CATSPERT: variants seen among roughly 807,000 people sequenced by gnomAD.
CATSPERT encodes the protein catsper channel auxiliary subunit tau.
the CATSPERT span, among the ~76,000 whole-genome samples, chr2:201,544,050 T>C: frequency 6.6e-6 from 1 of 152,270 alleles, no homozygotes; most frequent in Admixed American, 6.5e-5. Context: ...GATGTTCCCC[T>C]TCCTGTGTCC....
chr2:201,515,414 T>C, the CATSPERT span, among the ~76,000 whole-genome samples: 1 of 151,590 alleles, frequency 6.6e-6, no homozygotes, highest in Non-Finnish European at 1.5e-5. Context: ...TTTGTATTTT[T>C]AGTAGAGACA....
At chr2:201,598,148 C>T in the CATSPERT span, among the ~76,000 whole-genome samples, 1 of 152,278 alleles carries the variant, frequency 6.6e-6, no homozygotes, top group Admixed American at 6.5e-5. Flanking sequence ...GTCACTCAAG[C>T]TGGAGTGCAG....
the CATSPERT span, among the ~76,000 whole-genome samples, chr2:201,580,638 G>A: frequency 6.6e-6 from 1 of 152,128 alleles, no homozygotes; most frequent in Non-Finnish European, 1.5e-5. Context: ...AGGAGTCCCT[G>A]CAATCTGGCT....
At chr2:201,591,909 T>A in the CATSPERT span, among the ~76,000 whole-genome samples, 1 of 151,976 alleles carries the variant, frequency 6.6e-6, no homozygotes, top group African/African-American at 2.4e-5. Flanking sequence ...GTTTTCTAGA[T>A]ATACAATCAT....
chr2:201,608,897 TA>T, the CATSPERT span, among the ~76,000 whole-genome samples: 57 of 140,842 alleles, frequency 4.0e-4, no homozygotes, highest in Non-Finnish European at 5.0e-4. Context: ...AAAAGTTGAT[TA>T]AAAAAAAAAA....
chr2:201,496,057 T>C, the CATSPERT span: 3 of 858,676 alleles, frequency 3.5e-6, no homozygotes, highest in Middle Eastern at 3.7e-4. Context: ...ATTAGAGATA[T>C]AAAATTTTTA....
the CATSPERT span, chr2:201,494,202 A>C: frequency 3.3e-6 from 5 of 1,534,746 alleles, no homozygotes; most frequent in African/African-American, 2.7e-5. Context: ...ATTTATCATG[A>C]ATGCTTAGAA....
At chr2:201,546,847 A>T in the CATSPERT span, among the ~76,000 whole-genome samples, 1 of 152,200 alleles carries the variant, frequency 6.6e-6, no homozygotes, top group Admixed American at 6.5e-5. Flanking sequence ...AGCATTATTC[A>T]TAATAGCTTT....
chr2:201,505,405 A>C, the CATSPERT span, among the ~76,000 whole-genome samples: 1 of 152,150 alleles, frequency 6.6e-6, no homozygotes, highest in Non-Finnish European at 1.5e-5. Flanking sequence ...TTTTCTAAGC[A>C]ATCAGTCATA....
At chr2:201,603,393 A>G in the CATSPERT span, 16 of 770,782 alleles carry the variant, frequency 2.1e-5, no homozygotes, top group Non-Finnish European at 3.1e-5. Context: ...GGTTTTTCTC[A>G]TTTGAAATAT....
At chr2:201,503,039 A>C in the CATSPERT span, among the ~76,000 whole-genome samples, 6 of 152,170 alleles carry the variant, frequency 3.9e-5, no homozygotes, top group African/African-American at 1.4e-4. Flanking sequence ...ATCTCTAAAA[A>C]TTCCTTTGGG....
At chr2:201,583,559 A>G in the CATSPERT span, among the ~76,000 whole-genome samples, 2 of 152,234 alleles carry the variant, frequency 1.3e-5, no homozygotes, top group Admixed American at 1.3e-4. Flanking sequence ...AAACAAATAA[A>G]CAGGACGACT....
chr2:201,591,123 C>T, the CATSPERT span, among the ~76,000 whole-genome samples: 9 of 151,770 alleles, frequency 5.9e-5, no homozygotes, highest in Middle Eastern at 3.4e-3. Flanking sequence ...TTAGGTCTAA[C>T]GTTTTAAGTC....
At chr2:201,501,744 T>TTA in the CATSPERT span, among the ~76,000 whole-genome samples, 1 of 152,104 alleles carries the variant, frequency 6.6e-6, no homozygotes, top group Non-Finnish European at 1.5e-5. Flanking sequence ...ACCAAAAGGA[T>TTA]TATAAGAATA....
chr2:201,558,190 C>T, the CATSPERT span: 1 of 152,180 alleles, frequency 6.6e-6, no homozygotes, highest in Admixed American at 6.5e-5. Context: ...TGAAAACAAC[C>T]TCCTCCTAAT....
chr2:201,491,234 T>G, the CATSPERT span: 1 of 1,537,762 alleles, frequency 6.5e-7, no homozygotes, highest in Non-Finnish European at 8.7e-7. Context: ...AGGTGAATTC[T>G]TGTGGTGGGC....
the CATSPERT span, among the ~76,000 whole-genome samples, chr2:201,544,696 G>A: frequency 6.6e-6 from 1 of 151,844 alleles, no homozygotes; most frequent in South Asian, 2.1e-4. Flanking sequence ...AAAAGTAAAG[G>A]AGCATTGGCC....
At chr2:201,504,374 A>G in the CATSPERT span, among the ~76,000 whole-genome samples, 1 of 152,222 alleles carries the variant, frequency 6.6e-6, no homozygotes, top group Non-Finnish European at 1.5e-5. Context: ...TAAATTTCTC[A>G]TACCAGAAAT....
chr2:201,524,790 A>G, the CATSPERT span, among the ~76,000 whole-genome samples: 4 of 152,220 alleles, frequency 2.6e-5, no homozygotes, highest in Admixed American at 2.6e-4. Flanking sequence ...TCAAGCAAAC[A>G]AAACAAAAGA....
Sources: gnomAD v4.1 joint callset for allele counts (sites outside exome capture counted in the v4.1 genomes callset) on GRCh38, gnomAD v4.1.1 for gene constraint, MANE v1.5 for transcripts, NCBI Gene and HGNC (gene_info 2026-07-23, HGNC 2026-07-21) for gene names.